The following MAST2 variants were observed in gnomAD, a reference collection of about 807,000 sequenced individuals.
The protein encoded by MAST2 is microtubule-associated serine/threonine-protein kinase 2.
Under a neutral mutation model 147.4 loss-of-function variants are expected in MAST2, and 70 were observed. That is an observed-to-expected ratio of 0.47 (90% CI 0.39 to 0.58). The LOEUF (loss-of-function observed/expected upper bound fraction) is 0.58, where lower values mean the gene tolerates loss of function less well. Ranked by LOEUF, MAST2 falls within the 20% of genes least tolerant of loss-of-function variation. The pLI is 0.00. For missense variants in MAST2, 2,080 were observed against 2,302.3 expected (o/e 0.90, Z 1.98); for synonymous variants, 869 against 896.8 (o/e 0.97, Z 0.55).
chr1:46,032,532 C>T, intron 25 of MAST2, 64 bp from the exon 26 acceptor site: 1 of 1,601,852 alleles, frequency 6.2e-7, no homozygotes, highest in Non-Finnish European at 8.5e-7. Flanking sequence ...GCTTAATGTC[C>T]AGAACCAGGC....
intron 5 of MAST2, among the ~76,000 whole-genome samples, chr1:45,984,965 A>G (rs1417767687): frequency 6.6e-6 from 1 of 152,216 alleles, no homozygotes; most frequent in Non-Finnish European, 1.5e-5. Flanking sequence ...TATGTAAGGT[A>G]TTTAATATAT....
Position 46,035,238 on chromosome 1 carries a change from GGCACCTCACCCAGAA to G in MAST2, c.4571_4585del (p.Ala1524_Glu1528del). ...GCCAGGGTGCACAGGAGCTGAGCTT[GGCACCTCACCCAGAA>G]GTGAGCCAGAGTGTGGCCCCTAAAG... On this transcript the variant is annotated inframe_deletion, in exon 29 of 29. Transcript: ENST00000361297. This position sits in a 1 kb window ranked among gnomAD's most constrained non-coding sequence, Gnocchi z 5.5. The G allele has an allele frequency of 1.2e-6, 2 of 1,614,002 alleles. No individual in the cohort carries two copies. Among genetic ancestry groups the G allele is most frequent in the Non-Finnish European group, 1.7e-6 (2 of 1,180,000 alleles).
intron 4 of MAST2, among the ~76,000 whole-genome samples, chr1:45,924,333 G>C (rs531457885): frequency 1.4e-4 from 22 of 152,316 alleles, no homozygotes; most frequent in African/African-American, 5.1e-4. Flanking sequence ...ACATCTTTAT[G>C]ATGAACCTCT....
intron 5 of MAST2, among the ~76,000 whole-genome samples, chr1:45,968,691 T>A (rs1369912482): frequency 6.6e-6 from 1 of 152,062 alleles, no homozygotes; most frequent in Non-Finnish European, 1.5e-5. Context: ...TCTGAATTTA[T>A]CCTGCTTGGT....
intron 5 of MAST2, among the ~76,000 whole-genome samples, chr1:45,969,772 A>C (rs1042718157): frequency 1.3e-5 from 2 of 152,062 alleles, no homozygotes; most frequent in African/African-American, 4.8e-5. Context: ...TACACAATAA[A>C]TGTAATGTGC....
At chr1:46,021,469 A>G (rs1453150004) in intron 11 of MAST2, among the ~76,000 whole-genome samples, 1 of 152,252 alleles carries the variant, frequency 6.6e-6, no homozygotes, top group Non-Finnish European at 1.5e-5. Context: ...TATTATGTGC[A>G]GACAAGGATT....
At chr1:46,013,487 C>T (rs1380716218) in intron 10 of MAST2, among the ~76,000 whole-genome samples, 4 of 151,918 alleles carry the variant, frequency 2.6e-5, no homozygotes, top group African/African-American at 9.7e-5. Context: ...TCCAGACCAG[C>T]CTGATCAACA....
Position 46,032,360 on chromosome 1 carries a change from T to C in MAST2, c.3370T>C (p.Tyr1124His), listed in dbSNP as rs753038747. The C allele has an allele frequency of 6.2e-7, 1 of 1,613,200 alleles. No individual in the cohort carries two copies. The change falls in exon 25 of 29, where the codon TAC (tyrosine) becomes CAC (histidine). Residue 1124 changes from tyrosine (Y) to histidine (H), a missense_variant. Around this residue, in one of 4 missense-constraint regions of MAST2, gnomAD observed 1,278 missense variants for 1,304.2 expected, o/e 0.98. Transcript: ENST00000361297. ...YGFTLRAIRV[Y>H]MGDSDVYTVH... is the part of the protein sequence containing the mutation. ...CTTCACCCTGCGGGCCATTCGCGTC[T>C]ACATGGGTGACTCCGATGTCTACAC... is the stretch of plus-strand genomic sequence containing the variant.
intron 10 of MAST2, among the ~76,000 whole-genome samples, chr1:46,013,774 A>G (rs900732209): frequency 7.9e-5 from 12 of 152,314 alleles, no homozygotes; most frequent in African/African-American, 2.6e-4. Flanking sequence ...ATTATGAAAC[A>G]GCATGACAGT....
At chr1:45,896,152 C>T (rs980730139) in intron 4 of MAST2, among the ~76,000 whole-genome samples, 16 of 151,848 alleles carry the variant, frequency 1.1e-4, no homozygotes, top group African/African-American at 3.1e-4. Context: ...CTCAGCCTCC[C>T]GAGTAGCTGG....
intron 4 of MAST2, among the ~76,000 whole-genome samples, chr1:45,921,600 C>G (rs1307997735): frequency 6.6e-6 from 1 of 152,196 alleles, no homozygotes; most frequent in Non-Finnish European, 1.5e-5. Flanking sequence ...GGCATGGGTG[C>G]TAGCTCACTG....
intron 1 of MAST2, among the ~76,000 whole-genome samples, chr1:45,808,193 C>G (rs752941979): frequency 5.9e-5 from 9 of 152,058 alleles, no homozygotes; most frequent in South Asian, 2.1e-4. Flanking sequence ...TGTATCTTTC[C>G]TTTTTGTCAT....
At chr1:45,978,001 A>C (rs966046946) in intron 5 of MAST2, among the ~76,000 whole-genome samples, 3 of 152,086 alleles carry the variant, frequency 2.0e-5, no homozygotes, top group Non-Finnish European at 1.5e-5. Context: ...GGATCACTTG[A>C]GCCGAGGAGT....
At chr1:45,816,221 A>AAGAGAG (rs144287036) in intron 1 of MAST2, among the ~76,000 whole-genome samples, 5 of 134,738 alleles carry the variant, frequency 3.7e-5, no homozygotes, top group East Asian at 2.3e-4. Context: ...GAGAGAGAGA[A>AAGAGAG]AGAGAGAGAG....
intron 4 of MAST2, among the ~76,000 whole-genome samples, chr1:45,911,561 AC>A (rs1651655304): frequency 6.6e-6 from 1 of 152,166 alleles, no homozygotes; most frequent in African/African-American, 2.4e-5. Context: ...GCTCCAGTTT[AC>A]CAACTTGGCT....
chr1:45,865,623 A>T (rs1000245435), intron 3 of MAST2, among the ~76,000 whole-genome samples: 1 of 152,142 alleles, frequency 6.6e-6, no homozygotes, highest in Non-Finnish European at 1.5e-5. Flanking sequence ...CTGTCCATCC[A>T]TCCGTCTGTC....
chr1:45,958,251 G>A (rs1190722988), intron 4 of MAST2, among the ~76,000 whole-genome samples: 4 of 151,950 alleles, frequency 2.6e-5, no homozygotes, highest in African/African-American at 9.7e-5. Flanking sequence ...TCTGGCTGTG[G>A]CCTTCCCCAT....
intron 4 of MAST2, among the ~76,000 whole-genome samples, chr1:45,946,318 C>T (rs192954747): frequency 6.6e-6 from 1 of 152,268 alleles, no homozygotes; most frequent in East Asian, 1.9e-4. Context: ...GTGGAAAATC[C>T]TATCCTCATC....
At chr1:45,883,981 G>A (rs1323335691) in intron 4 of MAST2, among the ~76,000 whole-genome samples, 1 of 128,016 alleles carries the variant, frequency 7.8e-6, no homozygotes, top group Admixed American at 1.1e-4. Flanking sequence ...TTAGTATTAA[G>A]TGAAATAAAT....
Sources: allele counts gnomAD v4.1 joint callset (sites outside exome capture counted in the v4.1 genomes callset), GRCh38; gene constraint gnomAD v4.1.1; regional missense constraint gnomAD v4.1.1; non-coding constraint Gnocchi (gnomAD v3.1); transcripts MANE v1.5; gene names NCBI Gene and HGNC (gene_info 2026-07-23, HGNC 2026-07-21).